Variants in DAB1 observed in about 807,000 individuals in gnomAD.
DAB1 encodes the protein DAB adaptor protein 1, also known as disabled homolog 1.
DAB1 carries 15 observed loss-of-function variants against 64.6 expected under a neutral mutation model. The observed-to-expected ratio is 0.23, with a 90% confidence interval of 0.16 to 0.36. The LOEUF (loss-of-function observed/expected upper bound fraction) is 0.36, where lower values mean the gene tolerates loss of function less well. DAB1 is among the 10% of genes least tolerant of loss of function. The pLI is 1.00. For missense variants in DAB1, 596 were observed against 706.7 expected (o/e 0.84, Z 1.78); for synonymous variants, 235 against 251.9 (o/e 0.93, Z 0.64).
intron 6 of DAB1, among the ~76,000 whole-genome samples, chr1:57,760,114 TGA>T (rs1194286327): frequency 2.0e-5 from 3 of 152,130 alleles, no homozygotes; most frequent in Admixed American, 6.6e-5. Context: ...CACTGTCCAC[TGA>T]GAGAATAGCA....
At chr1:57,484,943 G>T (rs1464791313) in intron 7 of DAB1, among the ~76,000 whole-genome samples, 1 of 152,160 alleles carries the variant, frequency 6.6e-6, no homozygotes, top group East Asian at 1.9e-4. Flanking sequence ...TAATAAAGCG[G>T]GTATTGACAA....
At chr1:58,031,988 ACGTGTGTGTGTGTGTGTGTGTGTG>A (rs778454606) in intron 5 of DAB1, among the ~76,000 whole-genome samples, 2 of 120,188 alleles carry the variant, frequency 1.7e-5, no homozygotes, top group South Asian at 2.9e-4. Context: ...ACTGATAGAA[ACGTGTGTGTGTGTGTGTGTGTGTG>A]TGTGTGTGTG....
At chr1:57,595,622 G>C (rs1002039787) in intron 7 of DAB1, among the ~76,000 whole-genome samples, 4 of 151,902 alleles carry the variant, frequency 2.6e-5, no homozygotes, top group Admixed American at 6.6e-5. Flanking sequence ...GTTCAGATCT[G>C]TGTTCCCCCC....
intron 4 of DAB1, among the ~76,000 whole-genome samples, chr1:58,334,679 A>G (rs1369251619): frequency 6.7e-6 from 1 of 149,178 alleles, no homozygotes; most frequent in Non-Finnish European, 1.5e-5. Context: ...ATTGTATTAT[A>G]TAGACTTTGA....
At chr1:57,121,470 C>T (rs185058166) in intron 4 of DAB1, among the ~76,000 whole-genome samples, 1 of 151,694 alleles carries the variant, frequency 6.6e-6, no homozygotes, top group Admixed American at 6.6e-5. Flanking sequence ...ATGGGGCAGC[C>T]TTGCAAAAAA....
intron 5 of DAB1, among the ~76,000 whole-genome samples, chr1:58,034,594 A>AG (rs760152477): frequency 1.6e-4 from 24 of 152,196 alleles, no homozygotes; most frequent in Non-Finnish European, 2.6e-4. Context: ...ATCGTGTAGA[A>AG]GGTGAGTTCG....
At chr1:57,763,030 G>T (rs1178391000) in intron 6 of DAB1, among the ~76,000 whole-genome samples, 2 of 152,138 alleles carry the variant, frequency 1.3e-5, no homozygotes, top group African/African-American at 2.4e-5. Flanking sequence ...AGATAGAAAT[G>T]GTGTAAGTAG....
intron 4 of DAB1, among the ~76,000 whole-genome samples, chr1:58,303,418 G>C (rs78224257): frequency 6.6e-6 from 1 of 152,146 alleles, no homozygotes; most frequent in Non-Finnish European, 1.5e-5. Context: ...GACCCTGACT[G>C]ATACAAGTTT....
chr1:57,569,719 A>G (rs140967158), intron 7 of DAB1, among the ~76,000 whole-genome samples: 5,771 of 152,248 alleles, frequency 0.038, 232 homozygotes, highest in Admixed American at 0.12. Flanking sequence ...CATGTTGTGC[A>G]CATGTATCCT....
At chr1:58,493,905 T>C (rs1455164818) in intron 3 of DAB1, among the ~76,000 whole-genome samples, 2 of 149,640 alleles carry the variant, frequency 1.3e-5, no homozygotes. Context: ...TTCACAGAAT[T>C]GGAAAAAACT....
At chr1:57,761,472 A>G (rs987960533) in intron 6 of DAB1, among the ~76,000 whole-genome samples, 13 of 152,312 alleles carry the variant, frequency 8.5e-5, no homozygotes, top group African/African-American at 3.1e-4. Context: ...GGATTTGACG[A>G]TCTTTACAAT....
chr1:58,432,598 T>C (rs1344773566), intron 3 of DAB1, among the ~76,000 whole-genome samples: 3 of 152,206 alleles, frequency 2.0e-5, no homozygotes, highest in African/African-American at 7.2e-5. Flanking sequence ...AACTTATTAA[T>C]AATACAAAAT....
At position 57,015,048 on chromosome 1, in the gene DAB1, G is replaced by A; in HGVS notation, c.1279C>T (p.Pro427Ser). ...DFQMAQPPPV[P>S]SRKPDQPSLT... ...GAGGGCTGGTCGGGTTTGCGGGAGGGCACGGGCGGAGGCTGGGCCATCTGG... is the reference window on the plus strand; with the variant it reads ...GAGGGCTGGTCGGGTTTGCGGGAGGACACGGGCGGAGGCTGGGCCATCTGG... The change falls in exon 12 of 15, where the codon CCC (proline) becomes TCC (serine). Residue 427 changes from proline to serine, a missense_variant. This residue lies in a region of DAB1 where 377 missense variants were observed against 400.4 expected (regional missense o/e 0.94). Coordinates refer to ENST00000371236, the MANE Select transcript of DAB1 (RefSeq NM_001365792.1). The A allele has an allele frequency of 1.2e-6, 2 of 1,614,148 alleles. No individual in the cohort carries two copies. The highest frequency in any genetic ancestry group is 2.2e-5 in the South Asian group (2 of 91,066).
chr1:57,329,958 G>C (rs915191944), intron 1 of DAB1, among the ~76,000 whole-genome samples: 5 of 152,192 alleles, frequency 3.3e-5, no homozygotes, highest in African/African-American at 9.7e-5. Context: ...TCCCTCAAAT[G>C]AGTATTTCTG....
At chr1:57,621,521 G>A (rs968399380) in intron 7 of DAB1, among the ~76,000 whole-genome samples, 1 of 151,868 alleles carries the variant, frequency 6.6e-6, no homozygotes, top group Non-Finnish European at 1.5e-5. Flanking sequence ...CAGGGTTTGG[G>A]GGAAACTGAG....
intron 1 of DAB1, among the ~76,000 whole-genome samples, chr1:57,319,136 T>G (rs1448640032): frequency 6.6e-6 from 1 of 152,214 alleles, no homozygotes; most frequent in Admixed American, 6.5e-5. Context: ...AAGTGTTGCA[T>G]GGCCCCAGGG....
intron 5 of DAB1, among the ~76,000 whole-genome samples, chr1:57,917,261 C>G (rs547527754): frequency 6.6e-6 from 1 of 152,292 alleles, no homozygotes; most frequent in East Asian, 1.9e-4. Flanking sequence ...GTCCTTAATC[C>G]TTCTCTGCAG....
intron 2 of DAB1, among the ~76,000 whole-genome samples, chr1:57,227,190 A>G (rs1667332065): frequency 6.6e-6 from 1 of 152,142 alleles, no homozygotes; most frequent in African/African-American, 2.4e-5. Context: ...AATCCAGGAA[A>G]CATTTGTATC....
intron 7 of DAB1, among the ~76,000 whole-genome samples, chr1:57,541,791 A>G (rs1644806090): frequency 6.6e-6 from 1 of 152,250 alleles, no homozygotes; most frequent in Non-Finnish European, 1.5e-5. Flanking sequence ...CCTAACAACC[A>G]TAGTCTTACT....
Sources: gnomAD v4.1 joint callset for allele counts (sites outside exome capture counted in the v4.1 genomes callset) on GRCh38, gnomAD v4.1.1 for gene constraint, gnomAD v4.1.1 regional missense constraint, MANE v1.5 for transcripts, NCBI Gene and HGNC (gene_info 2026-07-23, HGNC 2026-07-21) for gene names.